Variants in SLC16A5 observed in about 807,000 individuals in gnomAD.
The protein encoded by SLC16A5 is solute carrier family 16 member 5.
In SLC16A5, 29 loss-of-function variants were observed where a neutral mutation model predicts 33.2. The ratio of observed to expected loss-of-function variants is 0.87; its 90% CI spans 0.65 to 1.19. The LOEUF (loss-of-function observed/expected upper bound fraction) is 1.19, where lower values mean the gene tolerates loss of function less well. SLC16A5 is among the 50% of genes most tolerant of loss of function. The pLI, the probability that SLC16A5 is intolerant of heterozygous loss-of-function variation, is 0.00. For missense variants in SLC16A5, 606 were observed against 678.2 expected (o/e 0.89, Z 1.18); for synonymous variants, 248 against 284.1 (o/e 0.87, Z 1.28).
intron 2 of SLC16A5, 66 bp from the exon 3 acceptor site, chr17:75,093,523 T>C (rs766772362): frequency 3.9e-6 from 6 of 1,538,106 alleles, no homozygotes; most frequent in Non-Finnish European, 4.4e-6. Flanking sequence ...CCAGAGAAGG[T>C]GGCAGGTGGG....
intron 3 of SLC16A5, 40 bp downstream of exon 3, chr17:75,093,875 G>A: frequency 6.3e-7 from 1 of 1,588,100 alleles, no homozygotes; most frequent in Non-Finnish European, 8.6e-7. Flanking sequence ...AAGTCCTAGG[G>A]GTTGCGGGGA....
At chr17:75,101,706 C>T (rs112191400) in intron 5 of SLC16A5, among the ~76,000 whole-genome samples, 28,524 of 151,760 alleles carry the variant, frequency 0.19, 4,585 homozygotes, top group African/African-American at 0.44. Flanking sequence ...GCAATCACAG[C>T]TCACTGCAGC....
chr17:75,106,225 C>G, downstream of SLC16A5: 1 of 418,186 alleles, frequency 2.4e-6, no homozygotes, highest in East Asian at 3.7e-5. Context: ...CGGTGAGCAT[C>G]CTGACGACTC....
chr17:75,094,667 CAA>C (rs1369551920), intron 3 of SLC16A5, among the ~76,000 whole-genome samples: 2 of 130,934 alleles, frequency 1.5e-5, no homozygotes, highest in African/African-American at 6.1e-5. Context: ...GCCTGGGCAA[CAA>C]GAGTGAAACT....
chr17:75,090,591 GC>G (rs2073625098), intron 2 of SLC16A5, among the ~76,000 whole-genome samples: 1 of 151,682 alleles, frequency 6.6e-6, no homozygotes, highest in Non-Finnish European at 1.5e-5. Flanking sequence ...CTCCCGAGTA[GC>G]TGCGACTACA....
At chr17:75,094,224 G>A (rs1471580144) in intron 3 of SLC16A5, among the ~76,000 whole-genome samples, 1 of 152,248 alleles carries the variant, frequency 6.6e-6, no homozygotes, top group Non-Finnish European at 1.5e-5. Flanking sequence ...CAATCTGAGG[G>A]TGATGCCCGG....
intron 3 of SLC16A5, among the ~76,000 whole-genome samples, chr17:75,097,330 T>C (rs2073733365): frequency 6.6e-6 from 1 of 152,026 alleles, no homozygotes; most frequent in African/African-American, 2.4e-5. Context: ...TTCTATTTTT[T>C]TGGGGTGTGG....
At chr17:75,104,542 C>T in intron 6 of SLC16A5, 1 of 901,146 alleles carries the variant, frequency 1.1e-6, no homozygotes, top group Non-Finnish European at 1.4e-6. Flanking sequence ...GCCTCTGCCC[C>T]CCAAGTTCAA....
chr17:75,098,907 T>G (rs1415514047), intron 4 of SLC16A5, among the ~76,000 whole-genome samples: 1 of 151,246 alleles, frequency 6.6e-6, no homozygotes, highest in Non-Finnish European at 1.5e-5. Flanking sequence ...AGCATAAGGA[T>G]AGGGAGGAGG....
chr17:75,100,215 C>G lies in SLC16A5; in HGVS notation c.552C>G (p.Ile184Met), dbSNP rs777101340. 6.2e-7 allele frequency: 1 copy of G among 1,614,258 alleles called. No individual in the cohort carries two copies. Among genetic ancestry groups the G allele is most frequent in the South Asian group, 1.1e-5 (1 of 91,090 alleles). ...GCGGGATCTTTCTCCACTGCTGCAT[C>G]TGCGGGGCCATCATAAGGCCTGTGG... is the stretch of plus-strand genomic sequence containing the variant. ...VFGGIFLHCC[I>M]CGAIIRPVAT... The change falls in exon 5 of 7, where the codon ATC becomes ATG. Residue 184 changes from isoleucine (I) to methionine (M), a missense_variant. Transcript: ENST00000329783.
intron 3 of SLC16A5, among the ~76,000 whole-genome samples, chr17:75,095,005 A>G (rs1289114449): frequency 6.6e-6 from 1 of 152,152 alleles, no homozygotes; most frequent in Non-Finnish European, 1.5e-5. Context: ...CCGGCCTCGG[A>G]GGGGCCCGGT....
chr17:75,106,674 C>T (rs1019255281), downstream of SLC16A5, among the ~76,000 whole-genome samples: 1 of 150,910 alleles, frequency 6.6e-6, no homozygotes, highest in Non-Finnish European at 1.5e-5. Flanking sequence ...ATGGGTGGGT[C>T]ACTAGAGGTC....
intron 3 of SLC16A5, among the ~76,000 whole-genome samples, chr17:75,096,462 G>A (rs149309332): frequency 6.6e-6 from 1 of 151,106 alleles, no homozygotes; most frequent in Non-Finnish European, 1.5e-5. Context: ...GGGCAGAGAC[G>A]CCGGGCCACC....
chr17:75,099,728 C>G lies in SLC16A5; in HGVS notation c.344-279C>G, dbSNP rs141985557. Among the ~76,000 whole-genome samples, 243 of 152,310 alleles carry G rather than the reference C, an allele frequency of 1.6e-3. 2 individuals carry two copies. The South Asian group carries it at 0.024, about 15-fold the overall frequency. ...TGCTGGGATTACAGGCGTGAGCCAC[C>G]GCGCTCGGCCCAATTTGGGTTTTTA... On this transcript the variant is annotated intron_variant, in intron 4 of 6. Transcript: ENST00000329783.
chr17:75,089,779 C>T (rs1598143401), intron 2 of SLC16A5: 1 of 137,312 alleles, frequency 7.3e-6, no homozygotes, highest in South Asian at 2.3e-4. Context: ...AAAAAAAAGG[C>T]GAGAAAACAG....
At chr17:75,091,681 G>A (rs778091803) in intron 2 of SLC16A5, among the ~76,000 whole-genome samples, 28 of 152,192 alleles carry the variant, frequency 1.8e-4, no homozygotes, top group Non-Finnish European at 3.7e-4. Context: ...TCATATTTCT[G>A]GTAGATGTCC....
intron 2 of SLC16A5, 154 bp from the exon 3 acceptor site, chr17:75,093,435 G>GC (rs1412798936): frequency 2.1e-5 from 33 of 1,535,942 alleles, no homozygotes; most frequent in Non-Finnish European, 2.6e-5. Context: ...CAACGCGTGG[G>GC]CCTCTGGCCA....
At chr17:75,101,288 C>T (rs1201588304) in intron 5 of SLC16A5, among the ~76,000 whole-genome samples, 2 of 148,476 alleles carry the variant, frequency 1.3e-5, no homozygotes, top group East Asian at 2.0e-4. Context: ...TGACCAGGTG[C>T]GGTGGCTCAC....
downstream of SLC16A5, among the ~76,000 whole-genome samples, chr17:75,108,859 T>G (rs117800084): frequency 6.6e-6 from 1 of 152,082 alleles, no homozygotes; most frequent in Non-Finnish European, 1.5e-5. Flanking sequence ...TTGTGCAAGG[T>G]TGTGGTTTTT....
Sources: allele counts gnomAD v4.1 joint callset (sites outside exome capture counted in the v4.1 genomes callset), GRCh38; gene constraint gnomAD v4.1.1; transcripts MANE v1.5; gene names NCBI Gene and HGNC (gene_info 2026-07-23, HGNC 2026-07-21).